Variants in FER1L6 observed in about 807,000 individuals in gnomAD.
The protein encoded by FER1L6 is fer-1-like protein 6.
A neutral mutation model predicts 219.2 loss-of-function variants in FER1L6; 177 were observed. The observed-to-expected ratio is 0.81, with a 90% confidence interval of 0.71 to 0.91. The LOEUF (loss-of-function observed/expected upper bound fraction) is 0.91, where lower values mean the gene tolerates loss of function less well. Ranked by LOEUF, FER1L6 falls within the 40% of genes least tolerant of loss-of-function variation. The probability of loss-of-function intolerance (pLI) is 0.00; values close to 1 mark genes in which losing one functional copy is unlikely to be tolerated. For synonymous variants in FER1L6, 768 were observed against 824.3 expected (o/e 0.93, Z 1.17); for missense variants, 2,153 against 2,259.9 (o/e 0.95, Z 0.96).
intron 22 of FER1L6, among the ~76,000 whole-genome samples, chr8:124,053,622 AGAG>A (rs954358677): frequency 6.6e-6 from 1 of 152,180 alleles, no homozygotes; most frequent in Non-Finnish European, 1.5e-5. Context: ...AGAAGGATTT[AGAG>A]GCGGGGAGGA....
intron 20 of FER1L6, among the ~76,000 whole-genome samples, chr8:124,043,644 T>A (rs978585891): frequency 6.6e-6 from 1 of 152,200 alleles, no homozygotes; most frequent in Non-Finnish European, 1.5e-5. Flanking sequence ...TGGAAGAGCG[T>A]GGATTTCGAC....
rs148232562 is a variant in FER1L6, at chr8:123,871,847, C to G, written c.-8+19662C>G. On this transcript the variant is annotated intron_variant, in intron 1 of 40. Transcript: ENST00000522917. The stretch of plus-strand genomic sequence containing the variant: ...TGTTAATATCAGCAGAGATAAGTCA[C>G]GTTGATAGTATATCTTTGATATGAT... Among the ~76,000 whole-genome samples the G allele has an allele frequency of 2.6e-4, 40 of 152,230 alleles. 1 individual carries two copies. The East Asian group carries it at 7.2e-3, about 27-fold the overall frequency.
chr8:124,035,244 A>C, intron 18 of FER1L6, 33 bp from the exon 19 acceptor site: 1 of 1,599,816 alleles, frequency 6.3e-7, no homozygotes, highest in Non-Finnish European at 8.5e-7. Context: ...ATCTCCTACT[A>C]ATAAGTCAGT....
At chr8:123,865,582 C>A (rs1340212039) in intron 1 of FER1L6, among the ~76,000 whole-genome samples, 1 of 151,338 alleles carries the variant, frequency 6.6e-6, no homozygotes, top group Non-Finnish European at 1.5e-5. Context: ...CCCCCAGCCT[C>A]GCTGCCACCT....
At chr8:124,021,913 C>T (rs1250617761) in intron 17 of FER1L6, among the ~76,000 whole-genome samples, 2 of 152,078 alleles carry the variant, frequency 1.3e-5, no homozygotes, top group Non-Finnish European at 2.9e-5. Flanking sequence ...CGCTAATGGG[C>T]TCAAGTGAAG....
intron 37 of FER1L6, among the ~76,000 whole-genome samples, chr8:124,099,915 C>T (rs1822480914): frequency 6.6e-6 from 1 of 152,142 alleles, no homozygotes; most frequent in Non-Finnish European, 1.5e-5. Context: ...CTAGTGACTT[C>T]TGCCACTCAC....
chr8:123,980,724 C>G lies in FER1L6; in HGVS notation c.1323C>G (p.Asp441Glu), dbSNP rs1450640988. 6.2e-6 allele frequency: 10 copies of G among 1,614,096 alleles called. No individual in the cohort carries two copies. The highest frequency in any genetic ancestry group is 1.6e-4 in the Middle Eastern group (1 of 6,062). ...CTTCCAAAGGTAAAGACAAGGCTGA[C>G]AAAACTGAAGATGGAAAATCCCAAC... ...SKSSKGKDKADKTEDGKSQQA... is the reference protein window; with the variant it reads ...SKSSKGKDKAEKTEDGKSQQA... Residue 441 changes from aspartate to glutamate, a missense_variant, in exon 11 of 41, where the codon GAC becomes GAG. By Grantham distance (45) the Asp-to-Glu change is conservative. Coordinates refer to ENST00000522917, the MANE Select transcript of FER1L6 (RefSeq NM_001039112.2).
intron 33 of FER1L6, among the ~76,000 whole-genome samples, chr8:124,086,756 C>T (rs1216689879): frequency 6.6e-6 from 1 of 152,152 alleles, no homozygotes; most frequent in Non-Finnish European, 1.5e-5. Context: ...CTTCTTTTAG[C>T]ATTTCTTATA....
At chr8:123,957,711 C>T (rs1210092876) in intron 2 of FER1L6, among the ~76,000 whole-genome samples, 1 of 152,136 alleles carries the variant, frequency 6.6e-6, no homozygotes, top group African/African-American at 2.4e-5. Flanking sequence ...GTTAACAGCC[C>T]TCCCTGAGAA....
In FER1L6 at chr8:124,118,857, C is replaced by G. The variant is rs1823358792; in HGVS notation, c.5303C>G (p.Ala1768Gly). The G allele has an allele frequency of 6.2e-7, 1 of 1,613,934 alleles. No homozygotes were observed. ...KSKELTGKVE[A>G]EFHLVTAEEA... ...ATCTTTTTGCAGGGCAAGGTTGAAG[C>G]TGAGTTCCACCTAGTTACAGCAGAA... The change falls in exon 40 of 41, where the codon GCT (alanine) becomes GGT (glycine). Residue 1768 changes from alanine (A) to glycine (G), a missense_variant. Coordinates refer to ENST00000522917, the MANE Select transcript of FER1L6 (RefSeq NM_001039112.2).
At chr8:123,993,850 GT>G (rs1302502415) in intron 12 of FER1L6, among the ~76,000 whole-genome samples, 29 of 152,324 alleles carry the variant, frequency 1.9e-4, no homozygotes, top group East Asian at 1.2e-3. Context: ...ACCAGTACCA[GT>G]TCTAATGAGG....
chr8:123,906,661 G>A (rs561996991), intron 1 of FER1L6, among the ~76,000 whole-genome samples: 15 of 151,980 alleles, frequency 9.9e-5, no homozygotes, highest in African/African-American at 2.4e-4. Context: ...TTAGCTTGGC[G>A]TGGTGGTGTG....
intron 26 of FER1L6, among the ~76,000 whole-genome samples, chr8:124,065,215 G>A (rs1449362178): frequency 1.3e-5 from 2 of 151,704 alleles, no homozygotes; most frequent in Non-Finnish European, 2.9e-5. Flanking sequence ...CCAACATGCT[G>A]TAACTCCATC....
At chr8:124,083,063 T>C (rs1821633557) in intron 33 of FER1L6, among the ~76,000 whole-genome samples, 1 of 152,060 alleles carries the variant, frequency 6.6e-6, no homozygotes, top group Admixed American at 6.5e-5. Context: ...GTATATGACA[T>C]ATTTTGATAC....
chr8:124,108,587 G>A (rs1025235816), intron 39 of FER1L6, among the ~76,000 whole-genome samples: 1 of 152,138 alleles, frequency 6.6e-6, no homozygotes, highest in African/African-American at 2.4e-5. Flanking sequence ...TTTGGTAAAT[G>A]TAAGAAAAAA....
chr8:124,058,011 A>T (rs1371930110), intron 22 of FER1L6, among the ~76,000 whole-genome samples: 1 of 152,210 alleles, frequency 6.6e-6, no homozygotes, highest in Admixed American at 6.5e-5. Flanking sequence ...ATCTCTGTGC[A>T]TGCCATATTT....
intron 39 of FER1L6, among the ~76,000 whole-genome samples, chr8:124,116,071 T>C (rs1437533890): frequency 6.6e-6 from 1 of 152,234 alleles, no homozygotes; most frequent in Non-Finnish European, 1.5e-5. Flanking sequence ...TAGCCTACTT[T>C]TTTTCTTCCA....
intron 12 of FER1L6, among the ~76,000 whole-genome samples, chr8:123,991,233 A>G (rs1322969128): frequency 6.6e-6 from 1 of 152,084 alleles, no homozygotes; most frequent in Non-Finnish European, 1.5e-5. Context: ...GATTGTTTCT[A>G]ATTCTGTGAA....
At chr8:123,909,136 A>G (rs1288854600) in intron 1 of FER1L6, among the ~76,000 whole-genome samples, 1 of 152,206 alleles carries the variant, frequency 6.6e-6, no homozygotes, top group African/African-American at 2.4e-5. Flanking sequence ...CAACCACCCT[A>G]TAACAGTGGG....
Sources: allele counts gnomAD v4.1 joint callset (sites outside exome capture counted in the v4.1 genomes callset), GRCh38; gene constraint gnomAD v4.1.1; transcripts MANE v1.5; gene names NCBI Gene and HGNC (gene_info 2026-07-23, HGNC 2026-07-21).